Variants in DIAPH3 observed in about 807,000 individuals in gnomAD.
DIAPH3 encodes diaphanous related formin 3.
DIAPH3 carries 117 observed loss-of-function variants against 144.3 expected under a neutral mutation model. The ratio of observed to expected loss-of-function variants is 0.81; its 90% CI spans 0.70 to 0.95. The LOEUF (loss-of-function observed/expected upper bound fraction) is 0.95, where lower values mean the gene tolerates loss of function less well. Ranked by LOEUF, DIAPH3 falls within the 40% of genes least tolerant of loss-of-function variation. The pLI is 0.00. For missense variants in DIAPH3, 1,421 were observed against 1,412.7 expected, an observed-to-expected ratio of 1.01 and a Z score of -0.09; for synonymous variants, 519 against 488.9, an observed-to-expected ratio of 1.06 and a Z score of -0.81.
chr13:59,941,413 G>C (rs2048528354), intron 17 of DIAPH3, among the ~76,000 whole-genome samples: 1 of 152,060 alleles, frequency 6.6e-6, no homozygotes, highest in Non-Finnish European at 1.5e-5. Flanking sequence ...CTCCCTCATG[G>C]TGCAAGGCTG....
In DIAPH3 at chr13:59,903,004, G is replaced by A. The variant is rs139358897; in HGVS notation, c.2367+8731C>T. Among the ~76,000 whole-genome samples the A allele has an allele frequency of 8.3e-3, 1,261 of 152,296 alleles. 56 individuals are homozygous for A. Among genetic ancestry groups the A allele is most frequent in the Admixed American group, 0.069 (1,055 of 15,296 alleles). ...GGACCTTGGACAACTGGACAAAGCA[G>A]TAGCAGTGGATGAATGGAACTTCTC... On this transcript the variant is annotated intron_variant, in intron 20 of 27. Coordinates refer to ENST00000400324, the MANE Select transcript of DIAPH3 (RefSeq NM_001042517.2).
At chr13:60,154,674 T>C (rs533105711) in intron 1 of DIAPH3, among the ~76,000 whole-genome samples, 1 of 152,316 alleles carries the variant, frequency 6.6e-6, no homozygotes, top group African/African-American at 2.4e-5. Flanking sequence ...TTCAATGCCA[T>C]CCTGCTGCTA....
intron 4 of DIAPH3, among the ~76,000 whole-genome samples, chr13:60,072,161 C>T (rs1566738450): frequency 3.3e-5 from 5 of 152,288 alleles, no homozygotes; most frequent in South Asian, 2.1e-4. Context: ...AGTCTCTTCT[C>T]GATGCGCATC....
At chr13:60,136,148 T>C (rs1298307000) in intron 1 of DIAPH3, among the ~76,000 whole-genome samples, 2 of 152,164 alleles carry the variant, frequency 1.3e-5, no homozygotes, top group African/African-American at 4.8e-5. Flanking sequence ...TAGCCTTACT[T>C]TTGTAAATAC....
intron 27 of DIAPH3, among the ~76,000 whole-genome samples, chr13:59,691,493 C>G (rs1307583046): frequency 6.6e-6 from 1 of 152,126 alleles, no homozygotes; most frequent in East Asian, 1.9e-4. Flanking sequence ...TTTCCATATG[C>G]TTGCTTCTGT....
rs192169410 is a variant in DIAPH3 at position 60,075,802 on chromosome 13, A to G, written c.495+17826T>C. Among the ~76,000 whole-genome samples the G allele has an allele frequency of 3.6e-3, 546 of 152,344 alleles. 2 individuals carry two copies. The highest frequency in any genetic ancestry group is 0.012 in the African/African-American group (479 of 41,584). ...GTGGGGAGGAAAGAGAAACAGATGC[A>G]GAAAACTGCTATAATCAAGCATCAC... On this transcript the variant is annotated intron_variant, in intron 4 of 27. Transcript: ENST00000400324.
intron 22 of DIAPH3, among the ~76,000 whole-genome samples, chr13:59,841,382 G>A (rs1405706912): frequency 1.3e-5 from 2 of 151,966 alleles, no homozygotes; most frequent in East Asian, 3.9e-4. Context: ...CTTGAAGCCA[G>A]GAGTTCAAGA....
At chr13:59,938,437 C>T (rs1198482748) in intron 17 of DIAPH3, among the ~76,000 whole-genome samples, 1 of 151,944 alleles carries the variant, frequency 6.6e-6, no homozygotes, top group Non-Finnish European at 1.5e-5. Flanking sequence ...AATGAGTACT[C>T]ATCTCCACAA....
chr13:59,948,096 G>A (rs1312380119), intron 17 of DIAPH3, among the ~76,000 whole-genome samples: 2 of 152,116 alleles, frequency 1.3e-5, no homozygotes, highest in African/African-American at 4.8e-5. Context: ...CTCTTTTTCA[G>A]ATGAGAAAAT....
chr13:59,695,211 A>C (rs2033734223), intron 27 of DIAPH3: 1 of 152,230 alleles, frequency 6.6e-6, no homozygotes, highest in South Asian at 2.1e-4. Context: ...TACAGGGAAA[A>C]GGGAGACAGT....
chr13:59,879,442 T>C lies in DIAPH3; in HGVS notation c.2394A>G (p.Pro798=). 3 of 1,613,752 alleles carry C rather than the reference T, an allele frequency of 1.9e-6. No homozygotes were observed. The highest frequency in any genetic ancestry group is 2.5e-6 in the Non-Finnish European group (3 of 1,179,778). ...GCTTAAAGAGAATAGCACTGAGCCG[T>C]GGCCGTAGTCTCTTCACATTGCTCA... ...VVMSNVKRLR[P]RLSAILFKLQ... Residue 798 remains proline, a synonymous_variant, in exon 21 of 28, where the codon CCA becomes CCG. Coordinates refer to ENST00000400324, the MANE Select transcript of DIAPH3 (RefSeq NM_001042517.2).
chr13:59,928,758 C>T (rs2047875278), intron 17 of DIAPH3, among the ~76,000 whole-genome samples: 1 of 152,088 alleles, frequency 6.6e-6, no homozygotes, highest in African/African-American at 2.4e-5. Flanking sequence ...TGGGTCTGTC[C>T]TTGAGCCCAA....
chr13:59,668,160 G>C (rs556379487), intron 27 of DIAPH3, among the ~76,000 whole-genome samples: 2 of 152,304 alleles, frequency 1.3e-5, no homozygotes, highest in African/African-American at 4.8e-5. Flanking sequence ...TCTCTTAAAG[G>C]AGTGTATGCT....
chr13:59,771,383 T>C (rs1256653024), intron 27 of DIAPH3, among the ~76,000 whole-genome samples: 1 of 152,154 alleles, frequency 6.6e-6, no homozygotes, highest in African/African-American at 2.4e-5. Flanking sequence ...AATGTTTTAA[T>C]ACTGAGTTTA....
intron 3 of DIAPH3, among the ~76,000 whole-genome samples, chr13:60,094,022 A>G (rs2058034740): frequency 6.6e-6 from 1 of 152,242 alleles, no homozygotes; most frequent in Non-Finnish European, 1.5e-5. Flanking sequence ...AGACAGTTGC[A>G]GATTTCTGCC....
chr13:59,809,949 A>T (rs1240200828), intron 25 of DIAPH3, among the ~76,000 whole-genome samples: 1 of 152,044 alleles, frequency 6.6e-6, no homozygotes, highest in East Asian at 1.9e-4. Flanking sequence ...GAAAAGCCAA[A>T]TTTTTCAGGG....
chr13:59,672,455 T>A (rs2138593982), intron 27 of DIAPH3, among the ~76,000 whole-genome samples: 2 of 152,332 alleles, frequency 1.3e-5, no homozygotes, highest in Middle Eastern at 6.8e-3. Context: ...TCGCAATTCT[T>A]TACCTTTTGT....
rs372330875 is a variant in DIAPH3, at chr13:59,760,088, C to T, written c.3319+14101G>A. Among the ~76,000 whole-genome samples, 35 of 152,262 alleles carry T rather than the reference C, an allele frequency of 2.3e-4. No homozygotes were observed. In the East Asian group the frequency reaches 4.4e-3, roughly 19 times the overall value. On this transcript the variant is annotated intron_variant, in intron 27 of 27. Transcript: ENST00000400324. Reference sequence around the variant, plus strand: ...GTCTCAGGCAGGACTTTTCTCTGCCCTAATAAGACTGTCAGAGATTTTCCT... The same window carrying T: ...GTCTCAGGCAGGACTTTTCTCTGCCTTAATAAGACTGTCAGAGATTTTCCT...
chr13:59,839,316 A>G lies in DIAPH3; in HGVS notation c.2862+8T>C, dbSNP rs772899616. 1 of 1,612,898 alleles carries G rather than the reference A, an allele frequency of 6.2e-7. No homozygotes were observed. Among genetic ancestry groups the G allele is most frequent in the South Asian group, 1.1e-5 (1 of 91,066 alleles). On this transcript the variant is annotated splice_region_variant and intron_variant, in intron 23 of 27. Transcript: ENST00000400324. ...GTGACTTAAGTTATTTAGCTATCAA[A>G]AGGATATGGACATCTTTGTCACAAA...
Sources: allele counts gnomAD v4.1 joint callset (sites outside exome capture counted in the v4.1 genomes callset), GRCh38; gene constraint gnomAD v4.1.1; transcripts MANE v1.5; gene names NCBI Gene and HGNC (gene_info 2026-07-23, HGNC 2026-07-21).